Variants in DIS3L2 observed in about 807,000 individuals in gnomAD.
The protein encoded by DIS3L2 is DIS3 like 3'-5' exoribonuclease 2, also known as DIS3-like exonuclease 2.
A neutral mutation model predicts 97.5 loss-of-function variants in DIS3L2; 34 were observed. The ratio of observed to expected loss-of-function variants is 0.35; its 90% CI spans 0.27 to 0.46. The LOEUF is 0.46. DIS3L2 is among the 20% of genes least tolerant of loss of function. The probability of loss-of-function intolerance (pLI) is 1.00; values close to 1 mark genes in which losing one functional copy is unlikely to be tolerated. For synonymous variants in DIS3L2, 435 were observed against 445.2 expected (o/e 0.98, Z 0.29); for missense variants, 1,038 against 1,146.0 (o/e 0.91, Z 1.36).
At chr2:232,331,418 G>C (rs926936345) in intron 16 of DIS3L2, among the ~76,000 whole-genome samples, 7 of 152,240 alleles carry the variant, frequency 4.6e-5, no homozygotes, top group African/African-American at 1.7e-4. Context: ...GCAGAGACAG[G>C]CTGTATTTTA....
At chr2:232,149,300 A>C (rs1574910739) in intron 8 of DIS3L2, among the ~76,000 whole-genome samples, 1 of 142,516 alleles carries the variant, frequency 7.0e-6, no homozygotes. Context: ...GCACCCACTA[A>C]TGTGTCATCT....
chr2:232,057,626 C>G (rs959049721), intron 5 of DIS3L2, among the ~76,000 whole-genome samples: 2 of 152,084 alleles, frequency 1.3e-5, no homozygotes, highest in African/African-American at 4.8e-5. Context: ...CGTTAGGACC[C>G]TAATCGTTAA....
intron 1 of DIS3L2, among the ~76,000 whole-genome samples, chr2:232,000,613 TTTTCCTTTCCTTTCCTTTCC>T (rs71056250): frequency 0.11 from 11,907 of 107,322 alleles, 742 homozygotes; most frequent in South Asian, 0.26. Flanking sequence ...CTTTCCTTTC[TTTTCCTTTCCTTTCCTTTCC>T]TTTCCTTTCC....
chr2:231,984,226 CAT>C (rs1369081107), intron 1 of DIS3L2, among the ~76,000 whole-genome samples: 8 of 151,804 alleles, frequency 5.3e-5, no homozygotes, highest in Admixed American at 2.0e-4. Flanking sequence ...TATCATTATT[CAT>C]ATGTTATTTT....
intron 8 of DIS3L2, among the ~76,000 whole-genome samples, chr2:232,155,862 T>C (rs1306046773): frequency 6.7e-6 from 1 of 149,688 alleles, no homozygotes. Flanking sequence ...TTGTGGCGGG[T>C]GCCTGTAGTC....
At position 232,087,886 on chromosome 2, in the gene DIS3L2, G is replaced by A. The variant is rs540658135; in HGVS notation, c.601+165G>A. 1.8e-5 allele frequency: 11 copies of A among 601,042 alleles called. No individual in the cohort carries two copies. The South Asian group carries it at 2.4e-4, about 13-fold the overall frequency. The allele number at this position is 601,042 out of a possible 1,614,324, so 37.2% of individuals were successfully genotyped here. ...GGATCTTTGACAGGTTTAGCTGCTG[G>A]TTATGAAAGAGGGGATGAAAGTGCT... On this transcript the variant is annotated intron_variant, in intron 6 of 20. Transcript: ENST00000325385.
At chr2:232,342,260 C>T (rs983799620) in intron 13 of DIS3L2, among the ~76,000 whole-genome samples, 2 of 139,768 alleles carry the variant, frequency 1.4e-5, no homozygotes, top group Non-Finnish European at 3.1e-5. Flanking sequence ...CACATACACA[C>T]ATACACATAT....
chr2:232,339,819 TCTGG>T (rs1463451857), downstream of DIS3L2: 1 of 431,424 alleles, frequency 2.3e-6, no homozygotes, highest in Non-Finnish European at 4.7e-6. Flanking sequence ...TAGAACTCCG[TCTGG>T]CTGGGGAGAG....
intron 5 of DIS3L2, among the ~76,000 whole-genome samples, chr2:232,047,382 C>T (rs1695271081): frequency 6.6e-6 from 1 of 152,120 alleles, no homozygotes; most frequent in South Asian, 2.1e-4. Flanking sequence ...CAGTCTGAAA[C>T]TTTAAATGAC....
chr2:232,143,637 T>C (rs1218113405), intron 8 of DIS3L2, among the ~76,000 whole-genome samples: 4 of 152,122 alleles, frequency 2.6e-5, no homozygotes, highest in Non-Finnish European at 5.9e-5. Context: ...TGGTATACAT[T>C]TGACTAAAAT....
rs558037089 is a variant in DIS3L2, at chr2:232,342,242, CAT to C, written c.1582-1097_1582-1096del. On this transcript the variant is annotated intron_variant, in intron 13 of 13. Transcript: ENST00000273009. ...ATACACATACATATATACACATACA[CAT>C]ATATACACATACACACATACACATA... is the stretch of plus-strand genomic sequence containing the variant. Among the ~76,000 whole-genome samples the C allele has an allele frequency of 4.3e-3, 622 of 144,014 alleles. 2 individuals carry two copies. The highest frequency in any genetic ancestry group is 6.8e-3 in the African/African-American group (240 of 35,484). The allele number at this position is 144,014 out of a possible 152,430, so 94.5% of individuals were successfully genotyped here.
chr2:232,246,127 A>C (rs529465674), intron 11 of DIS3L2, among the ~76,000 whole-genome samples: 9 of 152,270 alleles, frequency 5.9e-5, no homozygotes, highest in Admixed American at 2.6e-4. Flanking sequence ...AGTGTTGTAA[A>C]TGCAGCAGAA....
intron 9 of DIS3L2, among the ~76,000 whole-genome samples, chr2:232,203,965 A>G (rs936673776): frequency 1.3e-5 from 2 of 152,230 alleles, no homozygotes; most frequent in African/African-American, 4.8e-5. Flanking sequence ...TAGCGGGAGC[A>G]TGCAGTCTAA....
At chr2:232,099,352 A>G (rs538835803) in intron 6 of DIS3L2, among the ~76,000 whole-genome samples, 47 of 152,006 alleles carry the variant, frequency 3.1e-4, no homozygotes, top group Non-Finnish European at 6.0e-4. Flanking sequence ...AGTAGCTGGG[A>G]TTACAGATGT....
intron 5 of DIS3L2, among the ~76,000 whole-genome samples, chr2:232,045,670 C>CTTTTTTTT (rs35019734): frequency 8.1e-5 from 8 of 99,042 alleles, no homozygotes; most frequent in Admixed American, 2.6e-4. Flanking sequence ...AAAGGCCTCA[C>CTTTTTTTT]TTTTTTTTTT....
intron 13 of DIS3L2, among the ~76,000 whole-genome samples, chr2:232,277,781 T>C (rs1345530714): frequency 6.6e-6 from 1 of 152,192 alleles, no homozygotes; most frequent in Non-Finnish European, 1.5e-5. Context: ...TAGACTAACC[T>C]AGATGGGATA....
chr2:232,326,960 T>C (rs373717113), intron 14 of DIS3L2, among the ~76,000 whole-genome samples: 2,390 of 151,116 alleles, frequency 0.016, 1 homozygote, highest in African/African-American at 0.041. Flanking sequence ...GGAAGCAGCT[T>C]GCCTGAGGTC....
chr2:232,289,763 C>T (rs1281696244), intron 13 of DIS3L2, among the ~76,000 whole-genome samples: 1 of 152,170 alleles, frequency 6.6e-6, no homozygotes, highest in African/African-American at 2.4e-5. Context: ...GAGAGCCTGT[C>T]GCTTGGGCTA....
intron 1 of DIS3L2, among the ~76,000 whole-genome samples, chr2:231,997,743 G>A (rs1253661426): frequency 6.6e-6 from 1 of 152,130 alleles, no homozygotes; most frequent in Non-Finnish European, 1.5e-5. Context: ...ATTCCCCAGT[G>A]TTAATATTTT....
Sources: gnomAD v4.1 joint callset for allele counts (sites outside exome capture counted in the v4.1 genomes callset) on GRCh38, gnomAD v4.1.1 for gene constraint, MANE v1.5 for transcripts, NCBI Gene and HGNC (gene_info 2026-07-23, HGNC 2026-07-21) for gene names.